LGSN: variants seen among roughly 807,000 people sequenced by gnomAD.
LGSN encodes the protein lengsin.
LGSN carries 21 observed loss-of-function variants against 19.5 expected under a neutral mutation model. That is an observed-to-expected ratio of 1.07 (90% CI 0.76 to 1.55). LGSN has a LOEUF of 1.55. LGSN is among the 40% of genes most tolerant of loss of function. The pLI, the probability that LGSN is intolerant of heterozygous loss-of-function variation, is 0.00. For synonymous variants in LGSN, 257 were observed against 215.6 expected (o/e 1.19, Z -1.68); for missense variants, 673 against 608.5 (o/e 1.11, Z -1.12).
chr6:63,349,723 G>C, the LGSN span, among the ~76,000 whole-genome samples: 1 of 152,196 alleles, frequency 6.6e-6, no homozygotes, highest in African/African-American at 2.4e-5. Context: ...ACAGGAACCA[G>C]AGTCTTACAA....
intron 2 of LGSN, among the ~76,000 whole-genome samples, chr6:63,292,197 A>G (rs946835759): frequency 1.3e-5 from 2 of 152,228 alleles, no homozygotes; most frequent in East Asian, 3.8e-4. Flanking sequence ...CCAGATGGCA[A>G]TACCTTGACT....
chr6:63,362,723 C>T, the LGSN span, among the ~76,000 whole-genome samples: 23 of 152,208 alleles, frequency 1.5e-4, no homozygotes, highest in East Asian at 5.8e-4. Context: ...TGGAGCCCAC[C>T]GCAGTTCAAG....
At chr6:63,295,711 C>T (rs1767956934) in intron 1 of LGSN, among the ~76,000 whole-genome samples, 1 of 152,084 alleles carries the variant, frequency 6.6e-6, no homozygotes, top group Admixed American at 6.5e-5. Context: ...TAATCCTTGA[C>T]ATGACAGGAT....
chr6:63,547,681 AT>A, the LGSN span, among the ~76,000 whole-genome samples: 349 of 131,956 alleles, frequency 2.6e-3, 1 homozygote, highest in African/African-American at 9.1e-3. Context: ...AATTTTTTGT[AT>A]TTTTTTTTTC....
the LGSN span, among the ~76,000 whole-genome samples, chr6:63,559,782 T>C: frequency 6.6e-6 from 1 of 151,946 alleles, no homozygotes; most frequent in African/African-American, 2.4e-5. Context: ...CAGCCAGGCA[T>C]GGTCGTTCAT....
At chr6:63,408,260 C>T in the LGSN span, among the ~76,000 whole-genome samples, 1 of 151,336 alleles carries the variant, frequency 6.6e-6, no homozygotes, top group African/African-American at 2.4e-5. Context: ...GGAGGCATAA[C>T]ACTACCTGAC....
At chr6:63,535,202 A>AC in the LGSN span, among the ~76,000 whole-genome samples, 13,239 of 152,232 alleles carry the variant, frequency 0.087, 622 homozygotes, top group East Asian at 0.16. Context: ...ACAGTGGCTC[A>AC]GCCTGTAATT....
At chr6:63,566,529 C>T in the LGSN span, among the ~76,000 whole-genome samples, 1 of 152,088 alleles carries the variant, frequency 6.6e-6, no homozygotes, top group African/African-American at 2.4e-5. Flanking sequence ...GGTCAAGACA[C>T]AGAAAGGAAG....
At chr6:63,466,827 T>A in the LGSN span, among the ~76,000 whole-genome samples, 6 of 152,120 alleles carry the variant, frequency 3.9e-5, no homozygotes, top group Non-Finnish European at 8.8e-5. Context: ...ACATGTAAAG[T>A]ATGAGATGTC....
the LGSN span, among the ~76,000 whole-genome samples, chr6:63,373,767 G>A: frequency 6.4e-3 from 971 of 152,180 alleles, 7 homozygotes; most frequent in Non-Finnish European, 0.011. Context: ...GAGGTCAGAG[G>A]TTCGAGATCA....
At chr6:63,501,140 G>A in the LGSN span, among the ~76,000 whole-genome samples, 2 of 152,088 alleles carry the variant, frequency 1.3e-5, no homozygotes, top group Non-Finnish European at 2.9e-5. Flanking sequence ...GGGAGGCTGA[G>A]GCGGGTGGAT....
At chr6:63,484,183 C>A in the LGSN span, among the ~76,000 whole-genome samples, 1 of 151,544 alleles carries the variant, frequency 6.6e-6, no homozygotes, top group African/African-American at 2.4e-5. Flanking sequence ...ATTCATGCAC[C>A]ACCAATCCAT....
the LGSN span, among the ~76,000 whole-genome samples, chr6:63,434,306 G>A: frequency 2.3e-4 from 35 of 151,382 alleles, no homozygotes; most frequent in African/African-American, 7.5e-4. Flanking sequence ...CAGACATGGT[G>A]GTGGGCGCCT....
At chr6:63,549,338 G>A in the LGSN span, 2 of 753,812 alleles carry the variant, frequency 2.7e-6, no homozygotes, top group Non-Finnish European at 4.8e-6. Context: ...TATAGTGGGG[G>A]CCATTTCACA....
At chr6:63,417,276 C>T in the LGSN span, among the ~76,000 whole-genome samples, 2 of 152,114 alleles carry the variant, frequency 1.3e-5, no homozygotes, top group Non-Finnish European at 2.9e-5. Flanking sequence ...ATTTTTCTAA[C>T]ATTCACAAAA....
At chr6:63,513,804 G>T in the LGSN span, among the ~76,000 whole-genome samples, 1 of 151,192 alleles carries the variant, frequency 6.6e-6, no homozygotes, top group African/African-American at 2.4e-5. Context: ...CCAGCTGCTC[G>T]CGGGGCTGAG....
At chr6:63,419,880 CAAAAAAAAAAAAAAAAAAAAAAAAAAAAA>C in the LGSN span, among the ~76,000 whole-genome samples, 5,298 of 57,294 alleles carry the variant, frequency 0.092, 244 homozygotes, top group Non-Finnish European at 0.12. Flanking sequence ...AACTCCCTCC[CAAAAAAAAAAAAAAAAAAAAAAAAAAAAA>C]AAAAAAAAAA....
At chr6:63,540,627 A>G in the LGSN span, among the ~76,000 whole-genome samples, 1 of 152,008 alleles carries the variant, frequency 6.6e-6, no homozygotes, top group Non-Finnish European at 1.5e-5. Flanking sequence ...CCTGTATCAC[A>G]AATGAAAAAA....
chr6:63,301,231 C>T (rs892351764), intron 1 of LGSN, among the ~76,000 whole-genome samples: 1 of 152,014 alleles, frequency 6.6e-6, no homozygotes, highest in African/African-American at 2.4e-5. Flanking sequence ...GTGGAGGTTG[C>T]AGTGAGCCAA....
Sources: gnomAD v4.1 joint callset for allele counts (sites outside exome capture counted in the v4.1 genomes callset) on GRCh38, gnomAD v4.1.1 for gene constraint, MANE v1.5 for transcripts, NCBI Gene and HGNC (gene_info 2026-07-23, HGNC 2026-07-21) for gene names.